TAFA1: variants seen among roughly 807,000 people sequenced by gnomAD.
TAFA1 encodes chemokine-like protein TAFA-1.
In TAFA1, 4 loss-of-function variants were observed where a neutral mutation model predicts 18.5. The observed-to-expected ratio is 0.22, with a 90% CI of 0.11 to 0.49. The LOEUF (loss-of-function observed/expected upper bound fraction) is 0.49, where lower values mean the gene tolerates loss of function less well. TAFA1 is among the 20% of genes least tolerant of loss of function. The pLI is 0.98. For missense variants in TAFA1, 147 were observed against 169.0 expected, an observed-to-expected ratio of 0.87 and a Z score of 0.72; for synonymous variants, 56 against 55.2, an observed-to-expected ratio of 1.01 and a Z score of -0.06.
At chr3:68,416,993 G>A (rs1194250576) in intron 2 of TAFA1, among the ~76,000 whole-genome samples, 1 of 152,068 alleles carries the variant, frequency 6.6e-6, no homozygotes, top group Non-Finnish European at 1.5e-5. Context: ...TCTTTATTGG[G>A]TGTGTTAGTT....
intron 2 of TAFA1, among the ~76,000 whole-genome samples, chr3:68,062,211 A>C (rs1342856605): frequency 6.6e-6 from 1 of 152,132 alleles, no homozygotes; most frequent in African/African-American, 2.4e-5. Context: ...AATATAGACT[A>C]TCAAGGTGAA....
intron 2 of TAFA1, among the ~76,000 whole-genome samples, chr3:68,190,683 G>A (rs1372498040): frequency 6.6e-6 from 1 of 151,778 alleles, no homozygotes; most frequent in African/African-American, 2.4e-5. Flanking sequence ...AGTTTCTTAT[G>A]GCGGTAAATA....
At chr3:68,337,001 G>A (rs999679539) in intron 2 of TAFA1, among the ~76,000 whole-genome samples, 1 of 152,168 alleles carries the variant, frequency 6.6e-6, no homozygotes, top group Non-Finnish European at 1.5e-5. Context: ...GGGATTACAG[G>A]CGTGAGCCAC....
In TAFA1 at chr3:68,299,760, C is replaced by T. The variant is rs567937581; in HGVS notation, c.119-117520C>T. On this transcript the variant is annotated intron_variant, in intron 2 of 4. Transcript: ENST00000478136. ...CTTGTGCAGTCTTGGGACTTGGTGT[C>T]CTGCATACCAGCTGTGGCTAAAAGG... 1.1e-4 allele frequency among the ~76,000 whole-genome samples: 17 copies of T among 152,290 alleles called. No homozygotes were observed. In the East Asian group the frequency reaches 3.1e-3, roughly 28 times the overall value.
chr3:68,171,159 A>G (rs1431785087), intron 2 of TAFA1, among the ~76,000 whole-genome samples: 1 of 152,178 alleles, frequency 6.6e-6, no homozygotes. Context: ...GCCCAATGTA[A>G]TCACAAAGGT....
intron 2 of TAFA1, among the ~76,000 whole-genome samples, chr3:68,337,295 T>A (rs1200709866): frequency 6.6e-6 from 1 of 151,832 alleles, no homozygotes; most frequent in East Asian, 2.0e-4. Context: ...AGAGAGAGAA[T>A]GGGGCAGGGG....
intron 3 of TAFA1, among the ~76,000 whole-genome samples, chr3:68,485,604 T>C (rs2072320483): frequency 6.6e-6 from 1 of 152,188 alleles, no homozygotes; most frequent in African/African-American, 2.4e-5. Flanking sequence ...GTAAGCAAAT[T>C]GTAGTTACTA....
intron 2 of TAFA1, among the ~76,000 whole-genome samples, chr3:68,222,103 CCTTA>C (rs2066738613): frequency 6.6e-6 from 1 of 152,100 alleles, no homozygotes; most frequent in Admixed American, 6.5e-5. Context: ...GAAGAGAAAG[CCTTA>C]CTTATTTATG....
rs1181577680 is a variant in TAFA1, at chr3:68,262,322, TA to T, written c.119-154957del. On this transcript the variant is annotated intron_variant, in intron 2 of 4. Coordinates refer to ENST00000478136, the MANE Select transcript of TAFA1 (RefSeq NM_213609.4). ...GATATGGAGGGTATATATATATATA[TA>T]TATATATATATATATATATATATAT... Among the ~76,000 whole-genome samples, 72 of 62,990 alleles carry T rather than the reference TA, an allele frequency of 1.1e-3. 2 individuals are homozygous for T. Among genetic ancestry groups the T allele is most frequent in the Admixed American group, 3.7e-3 (15 of 4,028 alleles). The allele number at this position is 62,990 out of a possible 152,430, so 41.3% of individuals were successfully genotyped here.
At chr3:68,203,561 A>G (rs1313265662) in intron 2 of TAFA1, among the ~76,000 whole-genome samples, 1 of 151,710 alleles carries the variant, frequency 6.6e-6, no homozygotes, top group Non-Finnish European at 1.5e-5. Context: ...GAAGAGGGGA[A>G]GTGTCCTATG....
intron 2 of TAFA1, among the ~76,000 whole-genome samples, chr3:68,340,277 A>C (rs992717942): frequency 7.9e-5 from 12 of 152,186 alleles, no homozygotes; most frequent in Non-Finnish European, 1.3e-4. Context: ...TTAAATAGCC[A>C]AGGTTTCAGT....
intron 2 of TAFA1, among the ~76,000 whole-genome samples, chr3:68,291,692 C>CAA (rs397963459): frequency 1.6e-4 from 23 of 145,548 alleles, no homozygotes; most frequent in South Asian, 6.4e-4. Context: ...TCATTCCCCA[C>CAA]AAAAAAAAAA....
chr3:68,374,591 G>T (rs976688450), intron 2 of TAFA1, among the ~76,000 whole-genome samples: 1 of 152,144 alleles, frequency 6.6e-6, no homozygotes, highest in Admixed American at 6.5e-5. Context: ...AATTCAGCAT[G>T]TCTTGATGCA....
intron 2 of TAFA1, among the ~76,000 whole-genome samples, chr3:68,077,815 C>G (rs960624235): frequency 1.3e-5 from 2 of 151,904 alleles, no homozygotes; most frequent in Non-Finnish European, 2.9e-5. Flanking sequence ...TCCATATGAA[C>G]TTTAAAGTAG....
At chr3:68,358,593 C>G (rs1298178796) in intron 2 of TAFA1, among the ~76,000 whole-genome samples, 1 of 151,902 alleles carries the variant, frequency 6.6e-6, no homozygotes, top group Non-Finnish European at 1.5e-5. Flanking sequence ...ATCCCCACCT[C>G]CAAGGTAGAC....
At chr3:68,056,743 G>A (rs527474401) in intron 2 of TAFA1, among the ~76,000 whole-genome samples, 7 of 152,136 alleles carry the variant, frequency 4.6e-5, no homozygotes, top group African/African-American at 1.7e-4. Flanking sequence ...CTCCTAGAGG[G>A]TTTTAAATTC....
At chr3:68,076,175 T>C (rs201412763) in intron 2 of TAFA1, among the ~76,000 whole-genome samples, 2 of 152,170 alleles carry the variant, frequency 1.3e-5, no homozygotes, top group South Asian at 2.1e-4. Flanking sequence ...GTGTTTTTAC[T>C]TGTGGTGTAG....
At chr3:68,187,797 T>C (rs2066289021) in intron 2 of TAFA1, among the ~76,000 whole-genome samples, 1 of 152,014 alleles carries the variant, frequency 6.6e-6, no homozygotes. Flanking sequence ...TATGATCATC[T>C]TTTTGGTCTT....
intron 2 of TAFA1, among the ~76,000 whole-genome samples, chr3:68,076,641 C>A (rs1454142946): frequency 3.9e-4 from 59 of 152,170 alleles, no homozygotes; most frequent in African/African-American, 1.4e-3. Context: ...ATGAACTCAT[C>A]ATTTTTTATG....
Sources: allele counts gnomAD v4.1 joint callset (sites outside exome capture counted in the v4.1 genomes callset), GRCh38; gene constraint gnomAD v4.1.1; transcripts MANE v1.5; gene names NCBI Gene and HGNC (gene_info 2026-07-23, HGNC 2026-07-21).